Variants in LNPK observed in about 807,000 individuals in gnomAD.
LNPK encodes lunapark, ER junction formation factor.
In LNPK, 29 loss-of-function variants were observed where a neutral mutation model predicts 55.2. The ratio of observed to expected loss-of-function variants is 0.53; its 90% confidence interval spans 0.39 to 0.72. LNPK has a LOEUF of 0.72. LNPK is among the 30% of genes least tolerant of loss of function. The pLI, the probability that LNPK is intolerant of heterozygous loss-of-function variation, is 0.00. For missense variants in LNPK, 467 were observed against 494.8 expected (o/e 0.94, Z 0.53); for synonymous variants, 162 against 168.2 (o/e 0.96, Z 0.29).
In LNPK at chr2:175,924,219, A is replaced by G. The variant is rs924087815; in HGVS notation, c.*5748T>C. On this transcript the variant is annotated 3_prime_UTR_variant, in exon 13 of 13. Transcript: ENST00000272748. ...TGAAGTTATACCAGATAGTAACTTAATACAGTATATTCTCCCAATTTTCTA... is the reference window on the plus strand; with the variant it reads ...TGAAGTTATACCAGATAGTAACTTAGTACAGTATATTCTCCCAATTTTCTA... 6.6e-6 allele frequency: 1 copy of G among 152,334 alleles called. No individual in the cohort carries two copies. The highest frequency in any genetic ancestry group is 1.9e-4 in the East Asian group (1 of 5,190). 9.4% of individuals were successfully genotyped at this position (152,334 alleles called of 1,614,324 possible).
chr2:175,991,664 T>G (rs1482664231), intron 4 of LNPK, among the ~76,000 whole-genome samples: 1 of 152,200 alleles, frequency 6.6e-6, no homozygotes, highest in Non-Finnish European at 1.5e-5. Flanking sequence ...ACCATTATAA[T>G]CCAATGTCTA....
chr2:175,980,918 AAAAG>A (rs1262057782), intron 4 of LNPK, among the ~76,000 whole-genome samples: 78 of 151,956 alleles, frequency 5.1e-4, no homozygotes, highest in Non-Finnish European at 9.3e-4. Flanking sequence ...AAAAAAAAAA[AAAAG>A]AAAGAAAGAA....
intron 8 of LNPK, 21 bp downstream of exon 8, chr2:175,964,351 A>T: frequency 6.2e-7 from 1 of 1,603,546 alleles, no homozygotes; most frequent in Non-Finnish European, 8.5e-7. Flanking sequence ...CAGCAGCAGC[A>T]GTTTCTACTA....
At chr2:175,933,605 A>G (rs1457785791) in intron 12 of LNPK, among the ~76,000 whole-genome samples, 1 of 152,076 alleles carries the variant, frequency 6.6e-6, no homozygotes, top group African/African-American at 2.4e-5. Flanking sequence ...CCCCAACTCA[A>G]CCCAATAACT....
At chr2:175,987,816 T>C (rs971715542) in intron 4 of LNPK, among the ~76,000 whole-genome samples, 1 of 152,234 alleles carries the variant, frequency 6.6e-6, no homozygotes, top group African/African-American at 2.4e-5. Context: ...CATGAATTTT[T>C]GTTCAGTAAT....
At chr2:175,951,584 CATATAT>C (rs56037027) in intron 8 of LNPK, among the ~76,000 whole-genome samples, 1,890 of 90,706 alleles carry the variant, frequency 0.021, 216 homozygotes, top group African/African-American at 0.081. Flanking sequence ...TTCCATCATT[CATATAT>C]ATATATATAT....
Position 175,930,298 on chromosome 2 carries a change from A to G in LNPK, c.1055-99T>C, listed in dbSNP as rs1574795043. The stretch of plus-strand genomic sequence containing the variant: ...TAAACACACACACACACACACACAC[A>G]CACACACACACACACACACAAAGAA... On this transcript the variant is annotated intron_variant, in intron 12 of 12. Coordinates refer to ENST00000272748, the MANE Select transcript of LNPK (RefSeq NM_030650.3). 9.9e-6 allele frequency: 4 copies of G among 403,716 alleles called. No homozygotes were observed. The East Asian group carries it at 1.2e-4, about 13-fold the overall frequency. The allele number at this position is 403,716 out of a possible 1,614,324, so 25.0% of individuals were successfully genotyped here. A position where few individuals can be genotyped will look rare whatever the true frequency, so the allele number is the denominator to read the frequency against.
At chr2:175,958,069 G>T (rs1685787072) in intron 8 of LNPK, among the ~76,000 whole-genome samples, 1 of 152,216 alleles carries the variant, frequency 6.6e-6, no homozygotes, top group African/African-American at 2.4e-5. Flanking sequence ...GCTCGAACTG[G>T]GTGGAGTCCA....
At chr2:175,966,653 A>G (rs1029015458) in intron 6 of LNPK, among the ~76,000 whole-genome samples, 2 of 152,232 alleles carry the variant, frequency 1.3e-5, no homozygotes, top group Non-Finnish European at 2.9e-5. Flanking sequence ...TTCTAACAAA[A>G]TATTTTCATA....
chr2:175,990,136 T>C (rs968554383), intron 4 of LNPK, among the ~76,000 whole-genome samples: 4 of 152,246 alleles, frequency 2.6e-5, no homozygotes, highest in Non-Finnish European at 4.4e-5. Context: ...AATTTGGATA[T>C]TTGACCCTCT....
In LNPK at chr2:175,929,148, A is replaced by G; in HGVS notation, c.*819T>C. ...TGCCAGATTATTTTCATTTTCCTTA[A>G]TAAAATACAAACAAGAGCACAAAAT... On this transcript the variant is annotated 3_prime_UTR_variant, in exon 13 of 13. Coordinates refer to ENST00000272748, the MANE Select transcript of LNPK (RefSeq NM_030650.3). 2.0e-6 allele frequency: 2 copies of G among 981,986 alleles called. No individual in the cohort carries two copies. The highest frequency in any genetic ancestry group is 2.4e-6 in the Non-Finnish European group (2 of 826,376). 60.8% of individuals were successfully genotyped at this position (981,986 alleles called of 1,614,324 possible). A position where few individuals can be genotyped will look rare whatever the true frequency, so the allele number is the denominator to read the frequency against.
At chr2:175,943,380 C>A (rs1244243326) in intron 9 of LNPK, among the ~76,000 whole-genome samples, 1 of 151,808 alleles carries the variant, frequency 6.6e-6, no homozygotes, top group Non-Finnish European at 1.5e-5. Flanking sequence ...AATACTTACT[C>A]ATAACGTTAT....
At chr2:175,936,145 G>A (rs1429533614) in intron 12 of LNPK, among the ~76,000 whole-genome samples, 1 of 152,162 alleles carries the variant, frequency 6.6e-6, no homozygotes, top group East Asian at 1.9e-4. Context: ...TTTGTTTGAA[G>A]GTGATGCTGC....
intron 11 of LNPK, chr2:175,937,735 C>CA (rs1259826325): frequency 1.3e-5 from 5 of 380,370 alleles, no homozygotes; most frequent in Non-Finnish European, 2.3e-5. Context: ...GCAGAAAAGG[C>CA]ATAACAGGTT....
intron 6 of LNPK, among the ~76,000 whole-genome samples, chr2:175,967,022 G>C (rs1388450492): frequency 6.6e-6 from 1 of 152,106 alleles, no homozygotes; most frequent in Non-Finnish European, 1.5e-5. Context: ...CAAGATTCAG[G>C]AACAAGAAAC....
intron 2 of LNPK, among the ~76,000 whole-genome samples, chr2:175,994,937 T>G (rs951494796): frequency 3.1e-5 from 2 of 64,504 alleles, no homozygotes; most frequent in Non-Finnish European, 3.5e-5. Flanking sequence ...TTTTTTTTTT[T>G]GTGAGACTGA....
At chr2:175,965,604 T>C (rs1686285107) in intron 6 of LNPK, among the ~76,000 whole-genome samples, 1 of 152,182 alleles carries the variant, frequency 6.6e-6, no homozygotes, top group Non-Finnish European at 1.5e-5. Context: ...GCTGCCACAA[T>C]AGCAGTTAAC....
rs934130792 is a variant in LNPK, at chr2:175,928,839, AC to A, written c.*1127del. 1.3e-5 allele frequency: 2 copies of A among 152,376 alleles called. No homozygotes were observed. The highest frequency in any genetic ancestry group is 4.8e-5 in the African/African-American group (2 of 41,438). The allele number at this position is 152,376 out of a possible 1,614,324, so 9.4% of individuals were successfully genotyped here. On this transcript the variant is annotated 3_prime_UTR_variant, in exon 13 of 13. Transcript: ENST00000272748. ...TCCAATTAACTACCAGCAACCCACT[AC>A]CTATTCTCACAAAATTTGTTTCTCA...
chr2:175,976,412 C>G (rs1350490236), intron 5 of LNPK, among the ~76,000 whole-genome samples: 1 of 152,070 alleles, frequency 6.6e-6, no homozygotes, highest in African/African-American at 2.4e-5. Context: ...AAAATAGCTC[C>G]CAGGCTTTTG....
Sources: gnomAD v4.1 joint callset for allele counts (sites outside exome capture counted in the v4.1 genomes callset) on GRCh38, gnomAD v4.1.1 for gene constraint, MANE v1.5 for transcripts, NCBI Gene and HGNC (gene_info 2026-07-23, HGNC 2026-07-21) for gene names.